The following AGBL4 variants were observed in gnomAD, a reference collection of about 807,000 sequenced individuals.
AGBL4 encodes cytosolic carboxypeptidase 6.
A neutral mutation model predicts 66.4 loss-of-function variants in AGBL4; 58 were observed. The ratio of observed to expected loss-of-function variants is 0.87; its 90% confidence interval spans 0.71 to 1.09. The LOEUF (loss-of-function observed/expected upper bound fraction) is 1.09, where lower values mean the gene tolerates loss of function less well. Among genes scored for constraint, AGBL4 ranks in the 50% least tolerant of loss-of-function variants. The pLI is 0.00. For synonymous variants in AGBL4, 234 were observed against 222.9 expected, an observed-to-expected ratio of 1.05 and a Z score of -0.44; for missense variants, 579 against 631.0, an observed-to-expected ratio of 0.92 and a Z score of 0.88.
intron 3 of AGBL4, among the ~76,000 whole-genome samples, chr1:49,289,429 A>T (rs527730341): frequency 5.2e-4 from 79 of 152,278 alleles, no homozygotes; most frequent in South Asian, 1.0e-3. Flanking sequence ...ATATGATTCT[A>T]TTTATAAAAA....
chr1:49,609,957 A>G (rs1645125125), intron 3 of AGBL4, among the ~76,000 whole-genome samples: 1 of 152,214 alleles, frequency 6.6e-6, no homozygotes, highest in Admixed American at 6.5e-5. Context: ...TTTAGTATTT[A>G]TCTATGACCC....
chr1:48,812,863 A>G (rs1646085443), intron 6 of AGBL4, among the ~76,000 whole-genome samples: 3 of 152,026 alleles, frequency 2.0e-5, no homozygotes, highest in African/African-American at 7.3e-5. Context: ...CGCAAGGACA[A>G]AAAACCAAAC....
At chr1:49,580,004 A>T (rs999601387) in intron 3 of AGBL4, among the ~76,000 whole-genome samples, 1 of 152,114 alleles carries the variant, frequency 6.6e-6, no homozygotes, top group Admixed American at 6.5e-5. Context: ...TATTGGGTGC[A>T]TATGTAGCTA....
At chr1:48,811,747 G>T (rs1208144021) in intron 6 of AGBL4, among the ~76,000 whole-genome samples, 1 of 152,046 alleles carries the variant, frequency 6.6e-6, no homozygotes, top group Admixed American at 6.6e-5. Context: ...TACTAGAGTG[G>T]CTTTTGGGTG....
chr1:49,168,406 T>C (rs1452813951), intron 4 of AGBL4, among the ~76,000 whole-genome samples: 1 of 152,200 alleles, frequency 6.6e-6, no homozygotes, highest in East Asian at 1.9e-4. Context: ...CTCCCCAGAT[T>C]GCTCAAGCAT....
chr1:48,745,799 C>T (rs1038617230), intron 6 of AGBL4, among the ~76,000 whole-genome samples: 4 of 152,288 alleles, frequency 2.6e-5, no homozygotes, highest in Non-Finnish European at 5.9e-5. Flanking sequence ...TTGCCACTTA[C>T]TGTTTAGTTG....
intron 6 of AGBL4, among the ~76,000 whole-genome samples, chr1:48,846,782 G>T (rs760998264): frequency 2.6e-5 from 4 of 152,034 alleles, no homozygotes; most frequent in Non-Finnish European, 5.9e-5. Flanking sequence ...GATGTCATGG[G>T]TATATGAGAT....
intron 3 of AGBL4, among the ~76,000 whole-genome samples, chr1:49,302,253 TGC>T (rs1557821190): frequency 6.6e-6 from 1 of 151,638 alleles, no homozygotes; most frequent in Non-Finnish European, 1.5e-5. Context: ...TTCTTTCACA[TGC>T]ACTTTTTTTT....
chr1:48,650,088 T>C (rs1645902203), intron 8 of AGBL4, among the ~76,000 whole-genome samples: 1 of 152,170 alleles, frequency 6.6e-6, no homozygotes, highest in South Asian at 2.1e-4. Flanking sequence ...GAACCATCTC[T>C]CCAGCCAGCA....
At chr1:49,077,808 T>C (rs562033580) in intron 4 of AGBL4, among the ~76,000 whole-genome samples, 1 of 152,150 alleles carries the variant, frequency 6.6e-6, no homozygotes, top group South Asian at 2.1e-4. Context: ...AATGTATTTG[T>C]ACCCAAAGAT....
At chr1:48,756,476 C>T (rs1295205612) in intron 6 of AGBL4, among the ~76,000 whole-genome samples, 3 of 152,186 alleles carry the variant, frequency 2.0e-5, no homozygotes, top group East Asian at 3.8e-4. Context: ...TGAATTCTTA[C>T]ACTAGGCTAG....
chr1:49,020,606 A>G lies in AGBL4; in HGVS notation c.594+24978T>C, dbSNP rs188400093. Among the ~76,000 whole-genome samples the G allele has an allele frequency of 2.0e-3, 305 of 152,210 alleles. 2 individuals are homozygous for G. Among genetic ancestry groups the G allele is most frequent in the African/African-American group, 7.1e-3 (293 of 41,556 alleles). ...GACTGCATGGCAGGGGGTGTCCTGG[A>G]GGAGGAGGGCTTCCTAGTTCTTAGC... On this transcript the variant is annotated intron_variant, in intron 5 of 13. Coordinates refer to ENST00000371839, the MANE Select transcript of AGBL4 (RefSeq NM_032785.4).
chr1:49,007,668 CAGT>C (rs1343034487), intron 5 of AGBL4, among the ~76,000 whole-genome samples: 2 of 152,028 alleles, frequency 1.3e-5, no homozygotes. Flanking sequence ...ATCAGACTAA[CAGT>C]GGATCTCTCG....
intron 2 of AGBL4, among the ~76,000 whole-genome samples, chr1:49,839,403 T>A (rs1194164082): frequency 4.6e-5 from 7 of 152,198 alleles, no homozygotes. Context: ...CATGCTTTTT[T>A]CCTCCTAAAT....
chr1:49,198,340 T>G (rs1458869555), intron 4 of AGBL4, among the ~76,000 whole-genome samples: 1 of 152,190 alleles, frequency 6.6e-6, no homozygotes, highest in Admixed American at 6.5e-5. Flanking sequence ...TTTTACTTTT[T>G]TAATTAATTA....
chr1:49,345,702 G>A (rs1045033826), intron 3 of AGBL4, among the ~76,000 whole-genome samples: 2 of 152,040 alleles, frequency 1.3e-5, no homozygotes, highest in African/African-American at 2.4e-5. Context: ...ATTGAGTAAA[G>A]TATACTCCTA....
chr1:49,004,449 T>C (rs1661625388), intron 5 of AGBL4, among the ~76,000 whole-genome samples: 1 of 152,192 alleles, frequency 6.6e-6, no homozygotes, highest in Non-Finnish European at 1.5e-5. Context: ...TTATCTCTCA[T>C]AGAGCTGGCC....
intron 4 of AGBL4, among the ~76,000 whole-genome samples, chr1:49,130,917 G>T (rs1306744254): frequency 2.6e-5 from 4 of 151,874 alleles, no homozygotes; most frequent in Non-Finnish European, 5.9e-5. Flanking sequence ...TAATTCCTAG[G>T]TGGAAAAAAG....
At chr1:49,742,660 G>A (rs1650613630) in intron 2 of AGBL4, among the ~76,000 whole-genome samples, 1 of 152,002 alleles carries the variant, frequency 6.6e-6, no homozygotes, top group African/African-American at 2.4e-5. Context: ...TATACTACAA[G>A]GCTACAGTAA....
Sources: gnomAD v4.1 joint callset for allele counts (sites outside exome capture counted in the v4.1 genomes callset) on GRCh38, gnomAD v4.1.1 for gene constraint, MANE v1.5 for transcripts, NCBI Gene and HGNC (gene_info 2026-07-23, HGNC 2026-07-21) for gene names.